KIF13A: variants seen among roughly 807,000 people sequenced by gnomAD.
KIF13A encodes the protein kinesin-like protein KIF13A.
KIF13A carries 79 observed loss-of-function variants against 212.2 expected under a neutral mutation model. That is an observed-to-expected ratio of 0.37 (90% CI 0.31 to 0.45). KIF13A has a LOEUF of 0.45. Ranked by LOEUF, KIF13A falls within the 20% of genes least tolerant of loss-of-function variation. The pLI is 1.00. For missense variants in KIF13A, 1,901 were observed against 2,209.0 expected (o/e 0.86, Z 2.79); for synonymous variants, 789 against 808.6 (o/e 0.98, Z 0.41).
chr6:17,769,007 T>C lies in KIF13A; in HGVS notation c.4581+2107A>G, dbSNP rs965316171. On this transcript the variant is annotated intron_variant, in intron 38 of 38. Coordinates refer to ENST00000259711, the MANE Select transcript of KIF13A (RefSeq NM_022113.6). The surrounding 1 kb of genome is among the most constrained non-coding windows in gnomAD (Gnocchi z 5.8). ...TTATGTGAAATTACAGAAGTTACTA[T>C]GGTAATTAGGTGGGTTAAACATTAA... is the stretch of plus-strand genomic sequence containing the variant. Among the ~76,000 whole-genome samples, 2 of 150,106 alleles carry C rather than the reference T, an allele frequency of 1.3e-5. No individual in the cohort carries two copies. The highest frequency in any genetic ancestry group is 1.5e-5 in the Non-Finnish European group (1 of 66,692).
intron 4 of KIF13A, among the ~76,000 whole-genome samples, chr6:17,864,402 A>G (rs1402017070): frequency 6.6e-6 from 1 of 152,234 alleles, no homozygotes; most frequent in African/African-American, 2.4e-5. Flanking sequence ...ACACAATGTC[A>G]GAACAACAGA....
intron 7 of KIF13A, among the ~76,000 whole-genome samples, chr6:17,851,573 G>A (rs938306553): frequency 3.3e-5 from 5 of 152,344 alleles, no homozygotes; most frequent in African/African-American, 4.8e-5. Flanking sequence ...AGCCAGAAGT[G>A]ACAGAAACCA....
chr6:17,964,236 T>C (rs1269649447), intron 2 of KIF13A, among the ~76,000 whole-genome samples: 2 of 152,206 alleles, frequency 1.3e-5, no homozygotes, highest in Non-Finnish European at 2.9e-5. Context: ...CTTCCTTCTC[T>C]TACAGCAGCT....
intron 16 of KIF13A, among the ~76,000 whole-genome samples, chr6:17,820,046 C>A (rs529442909): frequency 6.6e-6 from 1 of 152,182 alleles, no homozygotes; most frequent in Admixed American, 6.6e-5. Flanking sequence ...ATCCACATTT[C>A]CATTGTTAGT....
intron 25 of KIF13A, among the ~76,000 whole-genome samples, chr6:17,792,167 C>T (rs1358120316): frequency 7.1e-6 from 1 of 141,820 alleles, no homozygotes; most frequent in Non-Finnish European, 1.5e-5. Context: ...TGCACCATTG[C>T]ACTCCAGCCT....
intron 12 of KIF13A, among the ~76,000 whole-genome samples, chr6:17,831,599 A>T (rs1476020287): frequency 6.6e-6 from 1 of 151,396 alleles, no homozygotes; most frequent in Admixed American, 6.6e-5. Context: ...AAGGCTGCAG[A>T]AAGAGGATAT....
At chr6:17,775,387 C>T (rs1451553425) in intron 34 of KIF13A, among the ~76,000 whole-genome samples, 1 of 152,090 alleles carries the variant, frequency 6.6e-6, no homozygotes, top group Non-Finnish European at 1.5e-5. Context: ...TTTTTAGTAT[C>T]ATTTAATTCT....
rs1764963091 is a variant in KIF13A at position 17,826,397 on chromosome 6, T to C, written c.1533-273A>G. On this transcript the variant is annotated intron_variant, in intron 14 of 38. Coordinates refer to ENST00000259711, the MANE Select transcript of KIF13A (RefSeq NM_022113.6). This position sits in a 1 kb window ranked among gnomAD's most constrained non-coding sequence, Gnocchi z 4.7. ...CCACCCATGGCTATTCTTGTCAAAA[T>C]TTGAGCTGAACCTGATCAAGCTTCC... is the stretch of plus-strand genomic sequence containing the variant. 6.6e-6 allele frequency among the ~76,000 whole-genome samples: 1 copy of C among 152,182 alleles called. No homozygotes were observed. Among genetic ancestry groups the C allele is most frequent in the South Asian group, 2.1e-4 (1 of 4,822 alleles).
chr6:17,810,876 G>A (rs1763373709), intron 17 of KIF13A, among the ~76,000 whole-genome samples: 1 of 152,202 alleles, frequency 6.6e-6, no homozygotes, highest in Non-Finnish European at 1.5e-5. Flanking sequence ...ATGGGGAGCA[G>A]CTGTAGACAC....
In KIF13A at chr6:17,796,543, CTTTTTT is replaced by C. The variant is rs112059351; in HGVS notation, c.2942+120_2942+125del. On this transcript the variant is annotated intron_variant, in intron 23 of 38. Transcript: ENST00000259711. ...GCATGAGCCACCGCACCTGGCCATT[CTTTTTT>C]TTTTTTTTTTAAATGATTTTATTTT... 7.2e-5 allele frequency: 34 copies of C among 473,788 alleles called. No homozygotes were observed. The East Asian group carries it at 1.4e-3, about 20-fold the overall frequency. The allele number at this position is 473,788 out of a possible 1,614,324, so 29.3% of individuals were successfully genotyped here. A position where few individuals can be genotyped will look rare whatever the true frequency, so the allele number is the denominator to read the frequency against.
rs935555143 is a variant in KIF13A at position 17,886,691 on chromosome 6, T to C, written c.159+11477A>G. On this transcript the variant is annotated intron_variant, in intron 3 of 38. Coordinates refer to ENST00000259711, the MANE Select transcript of KIF13A (RefSeq NM_022113.6). The surrounding 1 kb of genome is among the most constrained non-coding windows in gnomAD (Gnocchi z 5.6). Reference sequence around the variant, plus strand: ...AGGGGAGAGTAGAACCTGTAGGAATTTCAAGATAGAAACACACAGCACTTC... The same window carrying C: ...AGGGGAGAGTAGAACCTGTAGGAATCTCAAGATAGAAACACACAGCACTTC... 1.3e-5 allele frequency among the ~76,000 whole-genome samples: 2 copies of C among 152,034 alleles called. No individual in the cohort carries two copies. The highest frequency in any genetic ancestry group is 4.8e-5 in the African/African-American group (2 of 41,376).
At chr6:17,796,429 G>A (rs939289555) in intron 23 of KIF13A, among the ~76,000 whole-genome samples, 1 of 151,502 alleles carries the variant, frequency 6.6e-6, no homozygotes, top group African/African-American at 2.4e-5. Flanking sequence ...ATTTAGTAGA[G>A]ATGTGGTTTC....
intron 2 of KIF13A, among the ~76,000 whole-genome samples, chr6:17,940,569 AAG>A (rs1776868604): frequency 6.6e-6 from 1 of 152,158 alleles, no homozygotes; most frequent in Non-Finnish European, 1.5e-5. Context: ...CAGCAGAGTT[AAG>A]AGAGAATTCC....
intron 17 of KIF13A, among the ~76,000 whole-genome samples, chr6:17,814,101 C>T (rs529912652): frequency 5.3e-5 from 8 of 151,538 alleles, no homozygotes; most frequent in East Asian, 3.9e-4. Context: ...TACAGGCGCC[C>T]GCCACCACGC....
At chr6:17,940,048 T>A (rs9383333) in intron 2 of KIF13A, among the ~76,000 whole-genome samples, 18 of 121,858 alleles carry the variant, frequency 1.5e-4, no homozygotes, top group African/African-American at 2.1e-4. Flanking sequence ...TCTCATAAAT[T>A]AAAAAAAAAA....
At chr6:17,874,999 G>GCACACACACACACACA (rs1554188630) in intron 3 of KIF13A, among the ~76,000 whole-genome samples, 57 of 120,330 alleles carry the variant, frequency 4.7e-4, no homozygotes, top group Middle Eastern at 4.2e-3. Flanking sequence ...ACACGCACAC[G>GCACACACACACACACA]CACGCACACA....
chr6:17,927,494 A>T (rs1775585745), intron 2 of KIF13A, among the ~76,000 whole-genome samples: 2 of 152,244 alleles, frequency 1.3e-5, no homozygotes, highest in South Asian at 4.1e-4. Context: ...AGCAGTTCCC[A>T]GGGGCTTGGT....
intron 2 of KIF13A, among the ~76,000 whole-genome samples, chr6:17,954,426 C>G (rs1471304227): frequency 1.3e-5 from 2 of 152,068 alleles, no homozygotes; most frequent in Non-Finnish European, 2.9e-5. Context: ...CAAATCCCCT[C>G]ATCCCTTAGA....
In KIF13A at chr6:17,794,277, T is replaced by C. The variant is rs746982399; in HGVS notation, c.3194A>G (p.Lys1065Arg). 3.7e-6 allele frequency: 6 copies of C among 1,613,350 alleles called. No homozygotes were observed. Among genetic ancestry groups the C allele is most frequent in the South Asian group, 1.1e-5 (1 of 91,070 alleles). Reference protein sequence around the residue: ...SIGCVTARSTKLQRGLDSYQR... With the variant: ...SIGCVTARSTRLQRGLDSYQR... ...GTAACTGTCCAGCCCTCTTTGGAGT[T>C]TGGTGGACCTGGCAGTTACACAGCC... Residue 1065 changes from lysine to arginine, a missense_variant, in exon 25 of 39, where the codon AAA (lysine) becomes AGA (arginine). Transcript: ENST00000259711. The surrounding 1 kb of genome is among the most constrained non-coding windows in gnomAD (Gnocchi z 4.1).
Sources: gnomAD v4.1 joint callset for allele counts (sites outside exome capture counted in the v4.1 genomes callset) on GRCh38, gnomAD v4.1.1 for gene constraint, Gnocchi (gnomAD v3.1) non-coding constraint, MANE v1.5 for transcripts, NCBI Gene and HGNC (gene_info 2026-07-23, HGNC 2026-07-21) for gene names.